Variants in ABCA6 observed in about 807,000 individuals in gnomAD.
The protein encoded by ABCA6 is ATP binding cassette subfamily A member 6.
Under a neutral mutation model 191.2 loss-of-function variants are expected in ABCA6, and 164 were observed. The ratio of observed to expected loss-of-function variants is 0.86; its 90% CI spans 0.76 to 0.98. The LOEUF is 0.98. Among genes scored for constraint, ABCA6 ranks in the 50% least tolerant of loss-of-function variants. The pLI, the probability that ABCA6 is intolerant of heterozygous loss-of-function variation, is 0.00. For synonymous variants in ABCA6, 636 were observed against 647.7 expected, an observed-to-expected ratio of 0.98 and a Z score of 0.27; for missense variants, 1,958 against 1,894.1, an observed-to-expected ratio of 1.03 and a Z score of -0.63.
Position 69,085,089 on chromosome 17 carries a change from G to C in ABCA6, c.4123C>G (p.Leu1375Val), listed in dbSNP as rs1195926580. The C allele has an allele frequency of 2.5e-6, 4 of 1,613,732 alleles. No individual in the cohort carries two copies. Among genetic ancestry groups the C allele is most frequent in the Non-Finnish European group, 3.4e-6 (4 of 1,179,870 alleles). Reference sequence around the variant, plus strand: ...CCCTTGACGGCAGCATACACCTCCAGGTGTTCCCTCAACGTCAGCATGGGC... The same window carrying C: ...CCCTTGACGGCAGCATACACCTCCACGTGTTCCCTCAACGTCAGCATGGGC... ...LWPMLTLREHLEVYAAVKGLR... is the reference protein window; with the variant it reads ...LWPMLTLREHVEVYAAVKGLR... Residue 1375 changes from leucine to valine, a missense_variant, in exon 32 of 39, where the codon CTG becomes GTG. Transcript: ENST00000284425.
At chr17:69,116,753 C>G (rs1205198807) in intron 11 of ABCA6, among the ~76,000 whole-genome samples, 1 of 152,044 alleles carries the variant, frequency 6.6e-6, no homozygotes, top group Non-Finnish European at 1.5e-5. Flanking sequence ...GCTCCAGAAA[C>G]TAACTCCATG....
intron 16 of ABCA6, 59 bp from the exon 17 acceptor site, chr17:69,110,999 A>G (rs2073412238): frequency 6.7e-7 from 1 of 1,502,318 alleles, no homozygotes; most frequent in African/African-American, 1.4e-5. Flanking sequence ...TCACAAAAGA[A>G]GAGCTTTAAT....
rs1030812743 is a variant in ABCA6, at chr17:69,124,975, A to T, written c.1180T>A (p.Tyr394Asn). Residue 394 changes from tyrosine to asparagine, a missense_variant, in exon 9 of 39, where the codon TAT becomes AAT. Tyr to Asn is a moderately radical substitution (Grantham distance 143). Coordinates refer to ENST00000284425, the MANE Select transcript of ABCA6 (RefSeq NM_080284.3). ...ATAGAAAAAGTTGCTATCATTGTAT[A>T]TGAGTCTCCTGAAGGGTCAGGAAAA... ...VIFPDPSGDSYTMIATFSMLL... is the reference protein window; with the variant it reads ...VIFPDPSGDSNTMIATFSMLL... 5.7e-5 allele frequency: 89 copies of T among 1,557,150 alleles called. No homozygotes were observed. Among genetic ancestry groups the T allele is most frequent in the Non-Finnish European group, 7.8e-5 (89 of 1,147,406 alleles).
chr17:69,126,970 C>G (rs951879391), intron 8 of ABCA6, among the ~76,000 whole-genome samples: 2 of 152,100 alleles, frequency 1.3e-5, no homozygotes, highest in African/African-American at 2.4e-5. Flanking sequence ...GACAATGAGG[C>G]CACAGTGCAA....
chr17:69,121,445 G>A (rs1385304219), intron 10 of ABCA6, among the ~76,000 whole-genome samples: 1 of 152,014 alleles, frequency 6.6e-6, no homozygotes, highest in Non-Finnish European at 1.5e-5. Context: ...GGAGCCAAAA[G>A]CTTTAGTGAA....
chr17:69,134,886 G>GCCTTTTT, intron 4 of ABCA6, 144 bp from the exon 5 acceptor site: 3 of 127,064 alleles, frequency 2.4e-5, no homozygotes, highest in Non-Finnish European at 2.5e-5. Flanking sequence ...TGTTGTGGTT[G>GCCTTTTT]TCTTTTTTTT....
Position 69,113,282 on chromosome 17 carries a change from T to G in ABCA6, c.1981A>C (p.Arg661=). 1 of 1,603,728 alleles carries G rather than the reference T, an allele frequency of 6.2e-7. No individual in the cohort carries two copies. The highest frequency in any genetic ancestry group is 1.1e-5 in the South Asian group (1 of 89,032). The change falls in exon 15 of 39, where the codon AGA becomes CGA. Residue 661 remains arginine, a synonymous_variant. Transcript: ENST00000284425. ...CTGAAAAGGATCACATGATCTGCTCTACGCTCTCTCAGGAGGCTCCACACT... is the reference window on the plus strand; with the variant it reads ...CTGAAAAGGATCACATGATCTGCTCGACGCTCTCTCAGGAGGCTCCACACT... ...DQVWSLLRER[R]ADHVILFSTQ...
chr17:69,115,051 AACT>A (rs772854590), intron 12 of ABCA6, 114 bp from the exon 13 acceptor site: 48 of 824,656 alleles, frequency 5.8e-5, no homozygotes, highest in East Asian at 1.4e-4. Flanking sequence ...ATGATTTGTG[AACT>A]ACTATTCTTG....
At chr17:69,090,298 T>C (rs2072895968) in intron 26 of ABCA6, among the ~76,000 whole-genome samples, 1 of 152,198 alleles carries the variant, frequency 6.6e-6, no homozygotes, top group African/African-American at 2.4e-5. Flanking sequence ...CCAAAAAGTG[T>C]GTTCTCCACT....
In ABCA6 at chr17:69,079,209, C is replaced by G. The variant is rs1168683577; in HGVS notation, c.4752+1G>C. 1.9e-6 allele frequency: 3 copies of G among 1,608,686 alleles called. No homozygotes were observed. On this transcript the variant is annotated splice_donor_variant, in intron 38 of 38. Coordinates refer to ENST00000284425, the MANE Select transcript of ABCA6 (RefSeq NM_080284.3). LOFTEE classifies it high-confidence loss of function. The stretch of plus-strand genomic sequence containing the variant: ...ATACAAAGTCAAACCACTTGACTTA[C>G]CTTCTCCAGTGTGCACTGAGAAAGG...
At chr17:69,112,413 A>T in intron 15 of ABCA6, 140 bp from the exon 16 acceptor site, 3 of 599,232 alleles carry the variant, frequency 5.0e-6, no homozygotes, top group Non-Finnish European at 8.9e-6. Context: ...GTGCATTTTA[A>T]CATTTGAAAT....
intron 36 of ABCA6, among the ~76,000 whole-genome samples, chr17:69,082,328 AACACACACACACAC>A (rs61523425): frequency 2.3e-4 from 33 of 144,908 alleles, no homozygotes; most frequent in African/African-American, 7.9e-4. Flanking sequence ...GACATACACA[AACACACACACACAC>A]ACACACACAC....
rs771209194 is a variant in ABCA6 at position 69,100,952 on chromosome 17, T to C, written c.2875-18A>G. On this transcript the variant is annotated intron_variant, in intron 21 of 38. Transcript: ENST00000284425. ...CTATAATCCTTAAAACAGAAACAAA[T>C]AAATAATGTTAATGCTAAATTCTTA... 5.2e-6 allele frequency: 8 copies of C among 1,552,782 alleles called. No homozygotes were observed. The Middle Eastern group carries it at 6.5e-4, about 127-fold the overall frequency.
In ABCA6 at chr17:69,110,950, A is replaced by G; in HGVS notation, c.2133-10T>C. 1 of 1,578,190 alleles carries G rather than the reference A, an allele frequency of 6.3e-7. No homozygotes were observed. The highest frequency in any genetic ancestry group is 8.6e-7 in the Non-Finnish European group (1 of 1,166,274). On this transcript the variant is annotated splice_polypyrimidine_tract_variant and intron_variant, in intron 16 of 38. Coordinates refer to ENST00000284425, the MANE Select transcript of ABCA6 (RefSeq NM_080284.3). ...TTCATTCCTATGTAAACTAATATTT[A>G]AAAGAAAAGATAAGTCATTTGCATT...
chr17:69,095,871 T>C (rs1465760594), intron 25 of ABCA6, among the ~76,000 whole-genome samples: 1 of 152,192 alleles, frequency 6.6e-6, no homozygotes, highest in Non-Finnish European at 1.5e-5. Flanking sequence ...TATCTGAAAC[T>C]ATTAGCAGCT....
In ABCA6 at chr17:69,105,534, C is replaced by T. The variant is rs781249897; in HGVS notation, c.2668G>A (p.Glu890Lys). Residue 890 changes from glutamate to lysine, a missense_variant, in exon 20 of 39, where the codon GAA becomes AAA. By Grantham distance (56) the Glu-to-Lys change is moderately conservative. Transcript: ENST00000284425. ...NEKIDWEFKN[E>K]LYFLSPGQLP... ...TGTCCAGGAGAGAGAAAATACAATT[C>T]GTTTTTAAATTCCCAATCGATCTTT... 22 of 1,608,926 alleles carry T rather than the reference C, an allele frequency of 1.4e-5. No homozygotes were observed. The highest frequency in any genetic ancestry group is 1.8e-5 in the Non-Finnish European group (21 of 1,177,280).
Position 69,096,309 on chromosome 17 carries a change from T to C in ABCA6, c.3339A>G (p.Ile1113Met). ...PGYAASLVFF[I>M]YMISFIFRKR... ...TGCGAAAAATAAATGATATCATATATATGAAGAAGACAAGAGAAGCTGCAT... is the reference window on the plus strand; with the variant it reads ...TGCGAAAAATAAATGATATCATATACATGAAGAAGACAAGAGAAGCTGCAT... Residue 1113 changes from isoleucine (I) to methionine (M), a missense_variant, in exon 25 of 39, where the codon ATA becomes ATG. Physicochemically the swap from Ile to Met is conservative, Grantham distance 10 (BLOSUM62 1). Coordinates refer to ENST00000284425, the MANE Select transcript of ABCA6 (RefSeq NM_080284.3). 6.5e-7 allele frequency: 1 copy of C among 1,530,278 alleles called. No individual in the cohort carries two copies. The highest frequency in any genetic ancestry group is 8.8e-7 in the Non-Finnish European group (1 of 1,140,524). The allele number at this position is 1,530,278 out of a possible 1,614,324, so 94.8% of individuals were successfully genotyped here.
chr17:69,136,991 A>G (rs920653820), intron 3 of ABCA6, among the ~76,000 whole-genome samples: 1 of 152,184 alleles, frequency 6.6e-6, no homozygotes, highest in African/African-American at 2.4e-5. Flanking sequence ...TTAAAAACAC[A>G]CACAATTTTC....
intron 19 of ABCA6, 64 bp downstream of exon 19, chr17:69,105,964 T>C: frequency 4.7e-6 from 7 of 1,481,382 alleles, no homozygotes; most frequent in Non-Finnish European, 6.3e-6. Flanking sequence ...TTTTAAATTA[T>C]CTTCTGGTTT....
Sources: allele counts gnomAD v4.1 joint callset (sites outside exome capture counted in the v4.1 genomes callset), GRCh38; gene constraint gnomAD v4.1.1; transcripts MANE v1.5; gene names NCBI Gene and HGNC (gene_info 2026-07-23, HGNC 2026-07-21).